TP53I11: variants seen among roughly 807,000 people sequenced by gnomAD.
TP53I11 encodes the protein tumor protein p53 inducible protein 11, also known as tumor protein p53-inducible protein 11.
In TP53I11, 9 loss-of-function variants were observed where a neutral mutation model predicts 23.3. That is an observed-to-expected ratio of 0.39 (90% CI 0.23 to 0.67). The LOEUF (loss-of-function observed/expected upper bound fraction) is 0.67. TP53I11 is among the 30% of genes least tolerant of loss of function. The pLI is 0.48. For missense variants in TP53I11, 170 were observed against 255.2 expected (o/e 0.67, Z 2.27); for synonymous variants, 100 against 106.1 (o/e 0.94, Z 0.35).
intron 1 of TP53I11, among the ~76,000 whole-genome samples, chr11:44,948,665 A>G (rs1862618761): frequency 6.6e-6 from 1 of 151,966 alleles, no homozygotes; most frequent in South Asian, 2.1e-4. Flanking sequence ...AGTGCCTGAA[A>G]CTGTCCCTGG....
intron 2 of TP53I11, 70 bp downstream of exon 2, chr11:44,938,137 C>A (rs2135439303): frequency 6.6e-7 from 1 of 1,521,956 alleles, no homozygotes; most frequent in East Asian, 2.4e-5. Context: ...CCTGGGCTAA[C>A]CTTCTCCCCT....
intron 1 of TP53I11, among the ~76,000 whole-genome samples, chr11:44,939,714 T>C (rs1363727275): frequency 2.9e-5 from 4 of 137,914 alleles, no homozygotes; most frequent in African/African-American, 1.1e-4. Flanking sequence ...AGGGAGGCAG[T>C]ATACCATGTC....
In TP53I11 at chr11:44,934,660, A is replaced by G; in HGVS notation, c.*224T>C. The G allele has an allele frequency of 5.1e-6, 3 of 590,292 alleles. No individual in the cohort carries two copies. The highest frequency in any genetic ancestry group is 8.8e-6 in the Non-Finnish European group (3 of 339,578). The allele number at this position is 590,292 out of a possible 1,614,324, so 36.6% of individuals were successfully genotyped here. ...CTGTGAGGGTGAAGAACAGGGCAGC[A>G]GAGGCCCTGTCTCTCCCCAGACCAG... On this transcript the variant is annotated 3_prime_UTR_variant, in exon 7 of 7. Transcript: ENST00000525680.
At position 44,950,870 on chromosome 11, in the gene TP53I11, G is replaced by T. The variant is rs1862905488; in HGVS notation, c.-225C>A. 1 of 152,196 alleles carries T rather than the reference G, an allele frequency of 6.6e-6. No homozygotes were observed. The allele number at this position is 152,196 out of a possible 1,614,324, so 9.4% of individuals were successfully genotyped here. ...TGCGCGCGGCGCCCTGCGCGGCCGG[G>T]GCTTACCGAGTCTGGCGGCCCGCGC... On this transcript the variant is annotated 5_prime_UTR_variant, in exon 1 of 7. Coordinates refer to ENST00000525680, the MANE Select transcript of TP53I11 (RefSeq NM_006034.5).
chr11:44,938,866 AC>A (rs1861461089), intron 1 of TP53I11, among the ~76,000 whole-genome samples: 1 of 151,694 alleles, frequency 6.6e-6, no homozygotes, highest in Non-Finnish European at 1.5e-5. Flanking sequence ...TCTCCCTGCC[AC>A]CCCCCTTCAA....
rs200516415 is a variant in TP53I11 at position 44,937,618 on chromosome 11, G to A, written c.130-5C>T. On this transcript the variant is annotated splice_polypyrimidine_tract_variant and splice_region_variant and intron_variant, in intron 2 of 6. Transcript: ENST00000525680. ...ATTGCCTAAGACCTGGCTGATCTGT[G>A]GACAGAGGGGGTCAGAGGCAACCAG... The A allele has an allele frequency of 1.7e-5, 28 of 1,612,950 alleles. No individual in the cohort carries two copies. The highest frequency in any genetic ancestry group is 2.3e-5 in the Non-Finnish European group (27 of 1,179,904).
intron 1 of TP53I11, among the ~76,000 whole-genome samples, chr11:44,946,147 G>A (rs1434164909): frequency 6.6e-6 from 1 of 152,200 alleles, no homozygotes; most frequent in Non-Finnish European, 1.5e-5. Flanking sequence ...CCGGGGGCTA[G>A]AGAGATAATC....
chr11:44,940,326 C>T (rs1478602491), intron 1 of TP53I11, among the ~76,000 whole-genome samples: 1 of 152,202 alleles, frequency 6.6e-6, no homozygotes, highest in Non-Finnish European at 1.5e-5. Flanking sequence ...TGTTAGCACA[C>T]GTATAGATTT....
At chr11:44,941,183 T>C (rs1286633771) in intron 1 of TP53I11, 2 of 152,228 alleles carry the variant, frequency 1.3e-5, no homozygotes, top group Non-Finnish European at 2.9e-5. Flanking sequence ...GCAAGGTACA[T>C]GGGTGGTGGG....
At chr11:44,939,922 T>C (rs938082138) in intron 1 of TP53I11, among the ~76,000 whole-genome samples, 1 of 152,152 alleles carries the variant, frequency 6.6e-6, no homozygotes, top group Non-Finnish European at 1.5e-5. Context: ...GTGACGGCAG[T>C]CCCACACCCG....
chr11:44,935,519 A>G (rs370268007), intron 6 of TP53I11, 42 bp downstream of exon 6: 54 of 1,582,246 alleles, frequency 3.4e-5, no homozygotes, highest in Non-Finnish European at 4.5e-5. Context: ...TCAGGGGCGA[A>G]GCGGCCCATC....
In TP53I11 at chr11:44,933,466, G is replaced by A. The variant is rs921409628; in HGVS notation, c.*1418C>T. ...CCAGGGCTTGGGCTCGCCACTTCCG[G>A]TGTGTGCATCGGTGTGCTGGCAGGA... On this transcript the variant is annotated 3_prime_UTR_variant, in exon 7 of 7. Transcript: ENST00000525680. 3.1e-4 allele frequency: 47 copies of A among 153,052 alleles called. No individual in the cohort carries two copies. The highest frequency in any genetic ancestry group is 1.1e-3 in the African/African-American group (46 of 41,478). The allele number at this position is 153,052 out of a possible 1,614,324, so 9.5% of individuals were successfully genotyped here.
Position 44,935,673 on chromosome 11 carries a change from GGATGAAAAGGGGGCT to G in TP53I11, c.335-26_335-12del. 1.3e-6 allele frequency: 2 copies of G among 1,491,100 alleles called. No homozygotes were observed. The highest frequency in any genetic ancestry group is 1.9e-6 in the Non-Finnish European group (2 of 1,073,522). The allele number at this position is 1,491,100 out of a possible 1,614,324, so 92.4% of individuals were successfully genotyped here. The stretch of plus-strand genomic sequence containing the variant: ...TGATCAGGGAGATGCCTGGGGCGGG[GGATGAAAAGGGGGCT>G]GGGGGTGGGACAGCTGACTCCCTCC... On this transcript the variant is annotated splice_polypyrimidine_tract_variant and intron_variant, in intron 5 of 6. Transcript: ENST00000525680.
chr11:44,950,208 T>G (rs976916465), intron 1 of TP53I11: 1 of 152,036 alleles, frequency 6.6e-6, no homozygotes, highest in African/African-American at 2.4e-5. Flanking sequence ...CCGGGAACAA[T>G]GGCGGGAGGG....
At chr11:44,935,187 G>T (rs963131827) in intron 6 of TP53I11, among the ~76,000 whole-genome samples, 170 bp from the exon 7 acceptor site, 9 of 152,186 alleles carry the variant, frequency 5.9e-5, no homozygotes, top group African/African-American at 1.7e-4. Context: ...CAACCCCACA[G>T]ATGTTTCTGC....
intron 1 of TP53I11, 77 bp downstream of exon 1, chr11:44,950,600 G>A (rs1449161769): frequency 1.3e-5 from 2 of 151,996 alleles, no homozygotes; most frequent in Middle Eastern, 3.4e-3. Flanking sequence ...AGCCCCGCTG[G>A]GTTGCGCTGC....
Position 44,934,766 on chromosome 11 carries a change from C to G in TP53I11, c.*118G>C. 1.4e-6 allele frequency: 2 copies of G among 1,421,540 alleles called. No homozygotes were observed. The highest frequency in any genetic ancestry group is 1.3e-5 in the South Asian group (1 of 75,978). The allele number at this position is 1,421,540 out of a possible 1,614,324, so 88.1% of individuals were successfully genotyped here. ...GGAAGGCCCCCCACCCCCTGCCTCC[C>G]TGGGGCAGGACTGGGGCAGGGCAGG... On this transcript the variant is annotated 3_prime_UTR_variant, in exon 7 of 7. Transcript: ENST00000525680.
rs543411382 is a variant in TP53I11, at chr11:44,950,469, G to T, written c.-32+208C>A. ...AAGGGGCTGCGGGACGGCGCCTTGG[G>T]GAGCTGGGGAGGCGACCCCCTGGGG... On this transcript the variant is annotated intron_variant, in intron 1 of 6. Transcript: ENST00000525680. 5.9e-5 allele frequency among the ~76,000 whole-genome samples: 9 copies of T among 152,170 alleles called. No homozygotes were observed. In the South Asian group the frequency reaches 1.9e-3, roughly 32 times the overall value.
intron 6 of TP53I11, among the ~76,000 whole-genome samples, 195 bp downstream of exon 6, chr11:44,935,366 C>A (rs186621225): frequency 3.9e-5 from 6 of 152,144 alleles, no homozygotes; most frequent in African/African-American, 1.4e-4. Context: ...GCTACAGGCA[C>A]GTGTGTTAGG....
Sources: gnomAD v4.1 joint callset for allele counts (sites outside exome capture counted in the v4.1 genomes callset) on GRCh38, gnomAD v4.1.1 for gene constraint, MANE v1.5 for transcripts, NCBI Gene and HGNC (gene_info 2026-07-23, HGNC 2026-07-21) for gene names.